The following LMTK2 variants were observed in gnomAD, a reference collection of about 807,000 sequenced individuals.
LMTK2 encodes serine/threonine-protein kinase LMTK2.
A neutral mutation model predicts 127.5 loss-of-function variants in LMTK2; 37 were observed. The ratio of observed to expected loss-of-function variants is 0.29; its 90% CI spans 0.22 to 0.38. The LOEUF is 0.38. LMTK2 is among the 10% of genes least tolerant of loss of function. The probability of loss-of-function intolerance (pLI) is 1.00; values close to 1 mark genes in which losing one functional copy is unlikely to be tolerated. For synonymous variants in LMTK2, 819 were observed against 810.1 expected (o/e 1.01, Z -0.19); for missense variants, 1,694 against 1,920.3 (o/e 0.88, Z 2.20).
chr7:98,164,861 T>G (rs1373936167), intron 6 of LMTK2, among the ~76,000 whole-genome samples: 2 of 152,226 alleles, frequency 1.3e-5, no homozygotes, highest in East Asian at 3.9e-4. Context: ...GGTCAGCAAT[T>G]TCTTCAGCTC....
At chr7:98,112,569 C>T (rs763315923) in intron 1 of LMTK2, among the ~76,000 whole-genome samples, 9 of 152,286 alleles carry the variant, frequency 5.9e-5, no homozygotes, top group Middle Eastern at 6.8e-3. Flanking sequence ...TTGGACAGCA[C>T]AGAAGAGAAC....
intron 11 of LMTK2, among the ~76,000 whole-genome samples, chr7:98,201,599 G>GTTTTGTTT (rs1554395689): frequency 6.7e-6 from 1 of 149,692 alleles, no homozygotes; most frequent in African/African-American, 2.5e-5. Flanking sequence ...CTTCGTGTGT[G>GTTTTGTTT]TGTTTTGTTT....
At position 98,192,183 on chromosome 7, in the gene LMTK2, C is replaced by T; in HGVS notation, c.1718C>T (p.Thr573Ile). The change falls in exon 11 of 14, where the codon ACA becomes ATA. Residue 573 changes from threonine to isoleucine, a missense_variant. Around this residue, in one of 8 missense-constraint regions of LMTK2, gnomAD observed 527 missense variants for 539.8 expected, o/e 0.98. Coordinates refer to ENST00000297293, the MANE Select transcript of LMTK2 (RefSeq NM_014916.4). ...LELDYPPALL[T>I]TDMDNPERTG... ...CTTGATTACCCACCAGCGCTGCTCA[C>T]AACCGACATGGATAATCCAGAAAGG... The T allele has an allele frequency of 6.6e-7, 1 of 1,525,352 alleles. No individual in the cohort carries two copies. 94.5% of individuals were successfully genotyped at this position (1,525,352 alleles called of 1,614,324 possible). A position where few individuals can be genotyped will look rare whatever the true frequency, so the allele number is the denominator to read the frequency against.
In LMTK2 at chr7:98,192,946, TCGGGTACCCCCA is replaced by T; in HGVS notation, c.2482_2493del (p.Arg828_Pro831del). On this transcript the variant is annotated inframe_deletion, in exon 11 of 14. Transcript: ENST00000297293. Reference sequence around the variant, plus strand: ...CCTTCGAAACAGAAGAAACGCCCCGTCGGGTACCCCCAGACTCACTCCCAACACAGGGAGAAA... The same window carrying T: ...CCTTCGAAACAGAAGAAACGCCCCGTGACTCACTCCCAACACAGGGAGAAA... 6.2e-7 allele frequency: 1 copy of T among 1,614,078 alleles called. No individual in the cohort carries two copies. The highest frequency in any genetic ancestry group is 8.5e-7 in the Non-Finnish European group (1 of 1,180,006).
At chr7:98,126,447 A>C (rs1329316352) in intron 1 of LMTK2, 1 of 152,188 alleles carries the variant, frequency 6.6e-6, no homozygotes, top group Non-Finnish European at 1.5e-5. Flanking sequence ...CCACCATTCA[A>C]AGCTGTTAAA....
intron 8 of LMTK2, among the ~76,000 whole-genome samples, chr7:98,186,525 A>G (rs1797437416): frequency 1.3e-5 from 2 of 152,220 alleles, no homozygotes; most frequent in Non-Finnish European, 2.9e-5. Context: ...TAAAGCCTAC[A>G]GTCTTGCTCC....
At position 98,209,579 on chromosome 7, in the gene LMTK2, T is replaced by C. The variant is rs1277306721; in HGVS notation, c.*4087T>C. 1 of 152,224 alleles carries C rather than the reference T, an allele frequency of 6.6e-6. No homozygotes were observed. Among genetic ancestry groups the C allele is most frequent in the African/African-American group, 2.4e-5 (1 of 41,460 alleles). 9.4% of individuals were successfully genotyped at this position (152,224 alleles called of 1,614,324 possible). On this transcript the variant is annotated 3_prime_UTR_variant, in exon 14 of 14. Transcript: ENST00000297293. ...TGCATAGTGTGATTCAATAAATTGC[T>C]TGTAATTTAAAAACTATTTAATATT...
intron 1 of LMTK2, among the ~76,000 whole-genome samples, chr7:98,109,410 A>G (rs1796165885): frequency 1.3e-5 from 2 of 152,048 alleles, no homozygotes; most frequent in South Asian, 4.1e-4. Flanking sequence ...GACGTGTTGC[A>G]TATGAATAAT....
intron 1 of LMTK2, among the ~76,000 whole-genome samples, chr7:98,125,605 G>A (rs887426750): frequency 5.3e-5 from 8 of 152,074 alleles, no homozygotes; most frequent in East Asian, 3.9e-4. Context: ...AACTATTTGG[G>A]GGTATTTTAT....
At chr7:98,183,451 G>C (rs533895596) in intron 7 of LMTK2, among the ~76,000 whole-genome samples, 1 of 152,102 alleles carries the variant, frequency 6.6e-6, no homozygotes, top group East Asian at 1.9e-4. Context: ...GCAGTAGTGC[G>C]ATCTCGGCTT....
chr7:98,120,309 C>T (rs1796343462), intron 1 of LMTK2, among the ~76,000 whole-genome samples: 3 of 152,104 alleles, frequency 2.0e-5, no homozygotes, highest in Admixed American at 2.0e-4. Context: ...AGTCCATCCC[C>T]AAACTTTGTT....
At position 98,106,906 on chromosome 7, in the gene LMTK2, A is replaced by C. The variant is rs879716711; in HGVS notation, c.-272A>C. On this transcript the variant is annotated 5_prime_UTR_variant, in exon 1 of 14. Transcript: ENST00000297293. ...CATGGCGGCGGGAGCGCGGCTTCCC[A>C]GGCCCGCCGCTCCGCAGGGCTGCTG... is the stretch of plus-strand genomic sequence containing the variant. The C allele has an allele frequency of 9.0e-6, 4 of 443,734 alleles. No homozygotes were observed. Among genetic ancestry groups the C allele is most frequent in the Non-Finnish European group, 1.6e-5 (4 of 250,526 alleles). The allele number at this position is 443,734 out of a possible 1,614,324, so 27.5% of individuals were successfully genotyped here. A position where few individuals can be genotyped will look rare whatever the true frequency, so the allele number is the denominator to read the frequency against.
rs750767675 is a variant in LMTK2, at chr7:98,171,563, G to T, written c.680G>T (p.Arg227Leu). The T allele has an allele frequency of 1.2e-4, 195 of 1,613,900 alleles. No individual in the cohort carries two copies. The highest frequency in any genetic ancestry group is 1.5e-4 in the Non-Finnish European group (182 of 1,180,052). Residue 227 changes from arginine (R) to leucine (L), a missense_variant, in exon 7 of 14, where the codon CGC becomes CTC. Around this residue, in one of 8 missense-constraint regions of LMTK2, gnomAD observed 203 missense variants for 226.2 expected, o/e 0.90. Transcript: ENST00000297293. The surrounding 1 kb of genome is among the most constrained non-coding windows in gnomAD (Gnocchi z 5.1). ...CAGGGTGACCTGAAGGCGTATCTGCGCAGCGAGCAGGAGCACATGCGGGGG... is the reference window on the plus strand; with the variant it reads ...CAGGGTGACCTGAAGGCGTATCTGCTCAGCGAGCAGGAGCACATGCGGGGG... ...CDLGDLKAYL[R>L]SEQEHMRGDS...
chr7:98,132,073 C>G (rs541010294), intron 1 of LMTK2, among the ~76,000 whole-genome samples: 101 of 152,266 alleles, frequency 6.6e-4, no homozygotes, highest in Non-Finnish European at 1.2e-3. Flanking sequence ...TGTGGGAGGG[C>G]TTGGGAGCAA....
intron 9 of LMTK2, among the ~76,000 whole-genome samples, chr7:98,189,876 C>T (rs938987059): frequency 6.6e-6 from 1 of 152,102 alleles, no homozygotes; most frequent in Non-Finnish European, 1.5e-5. Flanking sequence ...GCAGCAAAAC[C>T]CACGATACTG....
At position 98,184,513 on chromosome 7, in the gene LMTK2, A is replaced by G. The variant is rs181837918; in HGVS notation, c.792-538A>G. 4.9e-4 allele frequency among the ~76,000 whole-genome samples: 74 copies of G among 152,280 alleles called. 2 individuals are homozygous for G. In the East Asian group the frequency reaches 8.3e-3, roughly 17 times the overall value. ...CCTAACTACCTACTCTAACATACCT[A>G]TGAGCTGAAAGCCTCCACTTAGAGT... is the stretch of plus-strand genomic sequence containing the variant. On this transcript the variant is annotated intron_variant, in intron 7 of 13. Transcript: ENST00000297293.
rs1797750256 is a variant in LMTK2 at position 98,204,090 on chromosome 7, C to G, written c.4387C>G (p.Pro1463Ala). Residue 1463 changes from proline to alanine, a missense_variant, in exon 13 of 14, where the codon CCG (proline) becomes GCG (alanine). Pro to Ala is a conservative substitution (Grantham distance 27). Transcript: ENST00000297293. ...PPARSTEQSW[P>A]HSAPYSRFSI... ...GGCCCGGAGCACGGAGCAGAGCTGG[C>G]CGCACTCGGCGCCTTACTCCCGGTT... is the stretch of plus-strand genomic sequence containing the variant. 10 of 1,613,546 alleles carry G rather than the reference C, an allele frequency of 6.2e-6. No individual in the cohort carries two copies. In the East Asian group the frequency reaches 2.2e-4, roughly 36 times the overall value.
Position 98,191,837 on chromosome 7 carries a change from G to C in LMTK2, c.1372G>C (p.Glu458Gln). ...DHFARDRLGR[E>Q]MEEVLTVTET... The stretch of plus-strand genomic sequence containing the variant: ...CTTTGCCAGGGACCGGCTGGGTCGT[G>C]AAATGGAGGAAGTCCTCACCGTGAC... The change falls in exon 11 of 14, where the codon GAA becomes CAA. Residue 458 changes from glutamate (E) to glutamine (Q), a missense_variant. Physicochemically the swap from Glu to Gln is conservative, Grantham distance 29 (BLOSUM62 2). Transcript: ENST00000297293. 2 of 1,614,202 alleles carry C rather than the reference G, an allele frequency of 1.2e-6. No individual in the cohort carries two copies. Among genetic ancestry groups the C allele is most frequent in the Non-Finnish European group, 1.7e-6 (2 of 1,180,034 alleles).
chr7:98,108,067 G>A (rs9641226), intron 1 of LMTK2, among the ~76,000 whole-genome samples: 8,497 of 152,178 alleles, frequency 0.056, 411 homozygotes, highest in East Asian at 0.19. Context: ...CTAACTTGGC[G>A]TTATTGACTG....
Sources: allele counts gnomAD v4.1 joint callset (sites outside exome capture counted in the v4.1 genomes callset), GRCh38; gene constraint gnomAD v4.1.1; regional missense constraint gnomAD v4.1.1; non-coding constraint Gnocchi (gnomAD v3.1); transcripts MANE v1.5; gene names NCBI Gene and HGNC (gene_info 2026-07-23, HGNC 2026-07-21).